The following NLRP7 variants were observed in gnomAD, a reference collection of about 807,000 sequenced individuals.
The protein encoded by NLRP7 is NACHT, LRR and PYD domains-containing protein 7.
In NLRP7, 72 loss-of-function variants were observed where a neutral mutation model predicts 85.5. The ratio of observed to expected loss-of-function variants is 0.84; its 90% CI spans 0.70 to 1.02. The LOEUF is 1.02. Ranked by LOEUF, NLRP7 falls within the 50% of genes least tolerant of loss-of-function variation. The probability of loss-of-function intolerance (pLI) is 0.00; values close to 1 mark genes in which losing one functional copy is unlikely to be tolerated. For missense variants in NLRP7, 1,243 were observed against 1,219.5 expected, an observed-to-expected ratio of 1.02 and a Z score of -0.29; for synonymous variants, 550 against 505.2, an observed-to-expected ratio of 1.09 and a Z score of -1.19.
At chr19:54,960,752 T>C (rs1194370993) in intron 1 of NLRP7, among the ~76,000 whole-genome samples, 1 of 151,908 alleles carries the variant, frequency 6.6e-6, no homozygotes, top group Non-Finnish European at 1.5e-5. Context: ...CCCGCCACCG[T>C]GCCCAGCTAA....
intron 3 of NLRP7, 76 bp downstream of exon 3, chr19:54,940,855 T>C (rs2146225468): frequency 1.1e-6 from 1 of 922,514 alleles, no homozygotes. Context: ...CAGAAATGAA[T>C]AAAACCAGGA....
chr19:54,924,253 C>G (rs1270626040), intron 9 of NLRP7, among the ~76,000 whole-genome samples: 1 of 152,076 alleles, frequency 6.6e-6, no homozygotes, highest in African/African-American at 2.4e-5. Context: ...CAGATGTGAG[C>G]CACAGCACCC....
rs540588494 is a variant in NLRP7 at position 54,957,349 on chromosome 19, T to C, written c.-77+8691A>G. ...CTACTCCTTTCTTCTTCTTCTTCTT[T>C]TTTTTTTTTTTTTTGAGATGGAGTC... On this transcript the variant is annotated intron_variant, in intron 1 of 2. Transcript: ENST00000587103. Among the ~76,000 whole-genome samples the C allele has an allele frequency of 2.9e-3, 422 of 147,122 alleles. 4 individuals carry two copies. The highest frequency in any genetic ancestry group is 7.6e-3 in the African/African-American group (308 of 40,426).
At chr19:54,936,543 C>T (rs1259843294) in intron 5 of NLRP7, 112 bp from the exon 6 acceptor site, 22 of 949,676 alleles carry the variant, frequency 2.3e-5, no homozygotes, top group East Asian at 7.3e-5. Context: ...AGTTCTTGGC[C>T]GGGTGCAGTG....
rs773560088 is a variant in NLRP7, at chr19:54,939,710, C to G, written c.1109G>C (p.Cys370Ser). 33 of 1,613,530 alleles carry G rather than the reference C, an allele frequency of 2.0e-5. No individual in the cohort carries two copies. The East Asian group carries it at 7.4e-4, about 36-fold the overall frequency. ...CTCCATCTGCAGCTTCAGAGTCGTG[C>G]ACACAATCCAGCACACCGCGGGGGC... Residue 370 changes from cysteine to serine, a missense_variant, in exon 4 of 10, where the codon TGC becomes TCC. Around this residue, in one of 3 missense-constraint regions of NLRP7, gnomAD observed 591 missense variants for 563.3 expected, o/e 1.05. Coordinates refer to ENST00000340844, the Ensembl canonical transcript of NLRP7.
chr19:54,939,522 C>T, exon 4 of NLRP7: 1 of 1,613,808 alleles, frequency 6.2e-7, no homozygotes, highest in Non-Finnish European at 8.5e-7. Flanking sequence ...TCCAGGTCCT[C>T]TCGGTGGAAC....
chr19:54,947,686 T>G (rs2069535694), upstream of NLRP7: 1 of 1,241,624 alleles, frequency 8.1e-7, no homozygotes, highest in African/African-American at 1.5e-5. Context: ...TGGCTGTAAT[T>G]GGGCTTCAGT....
At chr19:54,942,261 A>G (rs2069266243) in intron 1 of NLRP7, among the ~76,000 whole-genome samples, 1 of 106,852 alleles carries the variant, frequency 9.4e-6, no homozygotes, top group South Asian at 2.5e-4. Context: ...GTCTCAAAAA[A>G]AAAAAAAAAA....
In NLRP7 at chr19:54,954,021, TAAATAA is replaced by T. The variant is rs977407665; in HGVS notation, c.-76-6522_-76-6517del. Among the ~76,000 whole-genome samples the T allele has an allele frequency of 7.6e-5, 10 of 130,894 alleles. 1 individual carries two copies. Among genetic ancestry groups the T allele is most frequent in the Non-Finnish European group, 1.7e-4 (10 of 57,666 alleles). 85.9% of individuals were successfully genotyped at this position (130,894 alleles called of 152,430 possible). On this transcript the variant is annotated intron_variant, in intron 1 of 2. Transcript: ENST00000587103. ...GACTCCGTCTCAAAAAAATAAAAAA[TAAATAA>T]AAATAAATAAAGCATCCAGTCAAAC...
At chr19:54,924,718 C>T (rs984218652) in intron 9 of NLRP7, among the ~76,000 whole-genome samples, 2 of 152,028 alleles carry the variant, frequency 1.3e-5, no homozygotes, top group Admixed American at 1.3e-4. Context: ...GGCAGATCAC[C>T]TGAGGTCAGG....
intron 5 of NLRP7, among the ~76,000 whole-genome samples, chr19:54,936,864 G>A (rs1262727496): frequency 6.6e-6 from 1 of 151,840 alleles, no homozygotes; most frequent in South Asian, 2.1e-4. Context: ...GCAGTGAGCC[G>A]AGACCGCACC....
intron 1 of NLRP7, 85 bp from the exon 2 acceptor site, chr19:54,941,835 T>A: frequency 9.8e-7 from 1 of 1,016,976 alleles, no homozygotes; most frequent in Non-Finnish European, 1.4e-6. Flanking sequence ...ACAAGACTGT[T>A]CCTGCTGTAC....
intron 1 of NLRP7, among the ~76,000 whole-genome samples, chr19:54,960,885 A>G (rs1568439717): frequency 1.3e-5 from 2 of 151,732 alleles, no homozygotes; most frequent in Admixed American, 6.6e-5. Context: ...GTGAGCCACC[A>G]TGCCCAGCAC....
upstream of NLRP7, among the ~76,000 whole-genome samples, chr19:54,950,722 A>G (rs2069641341): frequency 6.6e-6 from 1 of 150,764 alleles, no homozygotes; most frequent in African/African-American, 2.5e-5. Context: ...GTTTACACCC[A>G]TACATTCCAT....
chr19:54,934,786 T>C lies in NLRP7; in HGVS notation c.2301-127A>G, dbSNP rs182068153. On this transcript the variant is annotated intron_variant, in intron 6 of 9. Transcript: ENST00000340844. This position sits in a 1 kb window ranked among gnomAD's most constrained non-coding sequence, Gnocchi z 6.7. The stretch of plus-strand genomic sequence containing the variant: ...ATGCAAAGGCGTGATCTCACCTCAC[T>C]GCAGCCTCCGCCTCCCGGGTTCAAG... The C allele has an allele frequency of 8.2e-6, 6 of 734,040 alleles. No homozygotes were observed. The highest frequency in any genetic ancestry group is 6.6e-6 in the Non-Finnish European group (3 of 456,710). The allele number at this position is 734,040 out of a possible 1,614,324, so 45.5% of individuals were successfully genotyped here.
intron 1 of NLRP7, among the ~76,000 whole-genome samples, chr19:54,963,849 A>G (rs1037508299): frequency 1.4e-5 from 2 of 144,744 alleles, no homozygotes; most frequent in African/African-American, 4.9e-5. Flanking sequence ...AAAACAAACA[A>G]AGAAACATGA....
chr19:54,964,251 C>G (rs1345545561), intron 1 of NLRP7, among the ~76,000 whole-genome samples: 1 of 111,700 alleles, frequency 9.0e-6, no homozygotes, highest in East Asian at 3.1e-4. Flanking sequence ...GAGCCTTGCT[C>G]TGTCGCCCAG....
chr19:54,936,305 C>T, exon 6 of NLRP7: 4 of 1,613,966 alleles, frequency 2.5e-6, no homozygotes, highest in South Asian at 1.1e-5. Context: ...GCAGGTCACA[C>T]AGCATCAGCA....
chr19:54,950,796 CCT>C (rs1249966674), upstream of NLRP7, among the ~76,000 whole-genome samples: 1 of 152,166 alleles, frequency 6.6e-6, no homozygotes, highest in East Asian at 1.9e-4. Context: ...GGTGTTCCTT[CCT>C]CTTTTACTAA....
Sources: gnomAD v4.1 joint callset for allele counts (sites outside exome capture counted in the v4.1 genomes callset) on GRCh38, gnomAD v4.1.1 for gene constraint, gnomAD v4.1.1 regional missense constraint, Gnocchi (gnomAD v3.1) non-coding constraint, MANE v1.5 for transcripts, NCBI Gene and HGNC (gene_info 2026-07-23, HGNC 2026-07-21) for gene names.